The following TAF2 variants were observed in gnomAD, a reference collection of about 807,000 sequenced individuals.
The protein encoded by TAF2 is transcription initiation factor TFIID subunit 2.
TAF2 carries 61 observed loss-of-function variants against 138.5 expected under a neutral mutation model. The observed-to-expected ratio is 0.44, with a 90% CI of 0.36 to 0.54. The LOEUF is 0.54. Ranked by LOEUF, TAF2 falls within the 20% of genes least tolerant of loss-of-function variation. The pLI, the probability that TAF2 is intolerant of heterozygous loss-of-function variation, is 0.00. For synonymous variants in TAF2, 475 were observed against 469.9 expected (o/e 1.01, Z -0.14); for missense variants, 1,090 against 1,427.9 (o/e 0.76, Z 3.81).
intron 3 of TAF2, among the ~76,000 whole-genome samples, chr8:119,817,045 G>A (rs759743795): frequency 6.6e-6 from 1 of 152,116 alleles, no homozygotes; most frequent in South Asian, 2.1e-4. Flanking sequence ...AAAAAAGCAG[G>A]GATAGTCAAG....
intron 3 of TAF2, among the ~76,000 whole-genome samples, chr8:119,810,518 G>A (rs1824978336): frequency 2.0e-5 from 3 of 152,150 alleles, no homozygotes; most frequent in South Asian, 4.1e-4. Flanking sequence ...CTAACAGTGG[G>A]ACTAGAGTCA....
In TAF2 at chr8:119,760,751, A is replaced by T; in HGVS notation, c.2559-13T>A. The T allele has an allele frequency of 6.2e-7, 1 of 1,613,738 alleles. No individual in the cohort carries two copies. Among genetic ancestry groups the T allele is most frequent in the Non-Finnish European group, 8.5e-7 (1 of 1,179,854 alleles). ...GGCTCTCAAACAACTAGGGAAAAAA[A>T]TACGTATGTTAACTACTTTCACTGA... On this transcript the variant is annotated splice_polypyrimidine_tract_variant and intron_variant, in intron 19 of 25. Coordinates refer to ENST00000378164, the MANE Select transcript of TAF2 (RefSeq NM_003184.4).
chr8:119,811,695 A>C (rs553734921), intron 3 of TAF2, among the ~76,000 whole-genome samples: 3 of 150,190 alleles, frequency 2.0e-5, no homozygotes, highest in African/African-American at 7.3e-5. Flanking sequence ...AATCCCAGCT[A>C]CTCGGGAGGC....
chr8:119,742,798 C>T, intron 24 of TAF2, 142 bp from the exon 25 acceptor site: 1 of 1,207,612 alleles, frequency 8.3e-7, no homozygotes, highest in Non-Finnish European at 1.2e-6. Context: ...TGAAAGAATA[C>T]TAGCTGGGTG....
chr8:119,788,292 G>T, intron 14 of TAF2, 46 bp downstream of exon 14: 1 of 1,520,856 alleles, frequency 6.6e-7, no homozygotes, highest in Non-Finnish European at 9.1e-7. Flanking sequence ...TAGTCTGTGA[G>T]ATTTGTAGTT....
At position 119,740,500 on chromosome 8, in the gene TAF2, A is replaced by G. The variant is rs1819524624; in HGVS notation, c.3337+2034T>C. Among the ~76,000 whole-genome samples, 3 of 149,164 alleles carry G rather than the reference A, an allele frequency of 2.0e-5. No homozygotes were observed. The South Asian group carries it at 6.3e-4, about 31-fold the overall frequency. On this transcript the variant is annotated intron_variant, in intron 25 of 25. Transcript: ENST00000378164. ...GAAATCCTGTCTCTACTAAAAAAAA[A>G]AAAAAAAAAAAAAAATTAGCCGGGT... is the stretch of plus-strand genomic sequence containing the variant.
chr8:119,786,875 C>G (rs546747569), intron 14 of TAF2, among the ~76,000 whole-genome samples: 1 of 152,056 alleles, frequency 6.6e-6, no homozygotes, highest in African/African-American at 2.4e-5. Flanking sequence ...GAGCTGAGAT[C>G]GCGCCACTGC....
At chr8:119,754,601 T>C (rs1820572906) in intron 22 of TAF2, among the ~76,000 whole-genome samples, 1 of 151,762 alleles carries the variant, frequency 6.6e-6, no homozygotes, top group African/African-American at 2.4e-5. Flanking sequence ...CACAATCGCC[T>C]GAACTTGGGA....
intron 6 of TAF2, among the ~76,000 whole-genome samples, chr8:119,800,072 A>C (rs1824143476): frequency 2.0e-5 from 3 of 152,008 alleles, no homozygotes; most frequent in Admixed American, 2.0e-4. Flanking sequence ...AGATTGCAAA[A>C]ATTTTTCCAA....
At chr8:119,824,332 A>T (rs571354634) in intron 2 of TAF2, among the ~76,000 whole-genome samples, 1 of 151,592 alleles carries the variant, frequency 6.6e-6, no homozygotes, top group South Asian at 2.1e-4. Context: ...CAGGAGGCTG[A>T]GATAGAGAAT....
At chr8:119,794,320 C>A (rs1374844587) in intron 9 of TAF2, among the ~76,000 whole-genome samples, 3 of 150,618 alleles carry the variant, frequency 2.0e-5, no homozygotes, top group Non-Finnish European at 4.4e-5. Flanking sequence ...CGCTTAAGCC[C>A]GGGAGGCAGA....
intron 18 of TAF2, among the ~76,000 whole-genome samples, chr8:119,776,210 A>G (rs1228620570): frequency 1.3e-5 from 2 of 152,218 alleles, no homozygotes; most frequent in African/African-American, 4.8e-5. Context: ...TCAAGAAAAA[A>G]TGAATTAATG....
intron 3 of TAF2, among the ~76,000 whole-genome samples, chr8:119,816,285 C>T (rs1825470809): frequency 1.3e-5 from 2 of 151,746 alleles, no homozygotes; most frequent in Admixed American, 1.3e-4. Flanking sequence ...TCTCGATCTC[C>T]TGACCTCATG....
In TAF2 at chr8:119,777,819, A is replaced by T. The variant is rs7842980; in HGVS notation, c.2364+200T>A. Among the ~76,000 whole-genome samples, 1,380 of 152,312 alleles carry T rather than the reference A, an allele frequency of 9.1e-3. 20 individuals are homozygous for T. The highest frequency in any genetic ancestry group is 0.032 in the African/African-American group (1,317 of 41,574). On this transcript the variant is annotated intron_variant, in intron 18 of 25. Transcript: ENST00000378164. ...TAAAAACTAATATTGTTTTTTATCC[A>T]CTGGTTATTCTAATAAATCGTGTTT... is the stretch of plus-strand genomic sequence containing the variant.
chr8:119,789,749 G>A lies in TAF2; in HGVS notation c.1414-3C>T, dbSNP rs1175065267. On this transcript the variant is annotated splice_region_variant and splice_polypyrimidine_tract_variant and intron_variant, in intron 11 of 25. Coordinates refer to ENST00000378164, the MANE Select transcript of TAF2 (RefSeq NM_003184.4). ...AGACTTAGCAGTTTATTGAAAACCT[G>A]TAAGGATAAAATCATTTAGTAAATT... is the stretch of plus-strand genomic sequence containing the variant. 1 of 1,612,856 alleles carries A rather than the reference G, an allele frequency of 6.2e-7. No individual in the cohort carries two copies. Among genetic ancestry groups the A allele is most frequent in the African/African-American group, 1.3e-5 (1 of 74,854 alleles).
chr8:119,788,990 C>G lies in TAF2; in HGVS notation c.1569-86G>C, dbSNP rs929132056. 6.7e-6 allele frequency: 6 copies of G among 893,764 alleles called. No individual in the cohort carries two copies. In the African/African-American group the frequency reaches 9.9e-5, roughly 15 times the overall value. 55.4% of individuals were successfully genotyped at this position (893,764 alleles called of 1,614,324 possible). A position where few individuals can be genotyped will look rare whatever the true frequency, so the allele number is the denominator to read the frequency against. On this transcript the variant is annotated intron_variant, in intron 12 of 25. Transcript: ENST00000378164. ...TATCCATCATGGTATTAATAATTTT[C>G]AAGTGCATTCCCACCAGTTCAAAGT... is the stretch of plus-strand genomic sequence containing the variant.
intron 2 of TAF2, among the ~76,000 whole-genome samples, chr8:119,828,378 A>G (rs952425431): frequency 2.0e-5 from 3 of 152,192 alleles, no homozygotes; most frequent in Admixed American, 1.3e-4. Flanking sequence ...TTCTGGCTGG[A>G]ATGAATCATT....
intron 20 of TAF2, 72 bp from the exon 21 acceptor site, chr8:119,758,214 G>A: frequency 1.5e-6 from 2 of 1,319,196 alleles, no homozygotes; most frequent in African/African-American, 2.9e-5. Flanking sequence ...TGACAAGCAG[G>A]GAGTTTACAT....
Position 119,832,738 on chromosome 8 carries a change from C to A in TAF2, c.-174G>T, listed in dbSNP as rs547612850. On this transcript the variant is annotated 5_prime_UTR_variant, in exon 1 of 26. Coordinates refer to ENST00000378164, the MANE Select transcript of TAF2 (RefSeq NM_003184.4). Reference sequence around the variant, plus strand: ...GCTGCCCGCCTCAACCTCGCTCCTTCGACTAGCTCCTAGAAGCCGCCGTCG... The same window carrying A: ...GCTGCCCGCCTCAACCTCGCTCCTTAGACTAGCTCCTAGAAGCCGCCGTCG... 2 of 539,268 alleles carry A rather than the reference C, an allele frequency of 3.7e-6. No homozygotes were observed. The highest frequency in any genetic ancestry group is 2.8e-5 in the South Asian group (1 of 36,170). The allele number at this position is 539,268 out of a possible 1,614,324, so 33.4% of individuals were successfully genotyped here.
Sources: gnomAD v4.1 joint callset for allele counts (sites outside exome capture counted in the v4.1 genomes callset) on GRCh38, gnomAD v4.1.1 for gene constraint, MANE v1.5 for transcripts, NCBI Gene and HGNC (gene_info 2026-07-23, HGNC 2026-07-21) for gene names.